The following TTC28 variants were observed in gnomAD, a reference collection of about 807,000 sequenced individuals.
TTC28 encodes tetratricopeptide repeat domain 28, also known as tetratricopeptide repeat protein 28.
Under a neutral mutation model 198.0 loss-of-function variants are expected in TTC28, and 61 were observed. The ratio of observed to expected loss-of-function variants is 0.31; its 90% CI spans 0.25 to 0.38. The LOEUF (loss-of-function observed/expected upper bound fraction) is 0.38, where lower values mean the gene tolerates loss of function less well. Ranked by LOEUF, TTC28 falls within the 10% of genes least tolerant of loss-of-function variation. The probability of loss-of-function intolerance (pLI) is 1.00; values close to 1 mark genes in which losing one functional copy is unlikely to be tolerated. For synonymous variants in TTC28, 1,171 were observed against 1,297.8 expected, an observed-to-expected ratio of 0.90 and a Z score of 2.10; for missense variants, 2,678 against 3,164.0, an observed-to-expected ratio of 0.85 and a Z score of 3.69.
chr22:28,596,180 AG>A lies in TTC28; in HGVS notation c.381+33371del, dbSNP rs1165128003. On this transcript the variant is annotated intron_variant, in intron 2 of 22. Transcript: ENST00000397906. ...ATCTCTGAATTGTAAGAAAACAACC[AG>A]TCATAATCACATGGAAAAAAGACAA... is the stretch of plus-strand genomic sequence containing the variant. Among the ~76,000 whole-genome samples, 16 of 152,368 alleles carry A rather than the reference AG, an allele frequency of 1.1e-4. No individual in the cohort carries two copies. The East Asian group carries it at 2.7e-3, about 26-fold the overall frequency.
intron 6 of TTC28, among the ~76,000 whole-genome samples, chr22:28,117,227 C>T (rs1228018433): frequency 6.6e-6 from 1 of 152,172 alleles, no homozygotes; most frequent in African/African-American, 2.4e-5. Flanking sequence ...TATAGGAAGA[C>T]GGAGCTAAGG....
At chr22:28,573,793 T>C (rs1015672241) in intron 2 of TTC28, among the ~76,000 whole-genome samples, 1 of 152,166 alleles carries the variant, frequency 6.6e-6, no homozygotes, top group Non-Finnish European at 1.5e-5. Flanking sequence ...TAGATCTTAC[T>C]CATTTTATTT....
At chr22:28,233,748 C>G (rs1163587368) in intron 5 of TTC28, among the ~76,000 whole-genome samples, 1 of 151,922 alleles carries the variant, frequency 6.6e-6, no homozygotes, top group Non-Finnish European at 1.5e-5. Context: ...GAAAAAGGAC[C>G]TTTTTTGTTT....
At chr22:28,147,364 A>T (rs1200127521) in intron 6 of TTC28, among the ~76,000 whole-genome samples, 1 of 152,194 alleles carries the variant, frequency 6.6e-6, no homozygotes, top group Non-Finnish European at 1.5e-5. Context: ...TCCACCTTGC[A>T]TTAGGTCTGT....
rs538997271 is a variant in TTC28 at position 28,531,213 on chromosome 22, G to C, written c.381+98339C>G. 3.9e-5 allele frequency among the ~76,000 whole-genome samples: 6 copies of C among 152,270 alleles called. No individual in the cohort carries two copies. The South Asian group carries it at 1.0e-3, about 26-fold the overall frequency. ...GGCTCAAAATAAAGGAATGGAGGAA[G>C]ATCTACCAAGCAAATGGAAAACAAC... On this transcript the variant is annotated intron_variant, in intron 2 of 22. Transcript: ENST00000397906.
chr22:28,308,905 A>T (rs1049869186), intron 2 of TTC28, among the ~76,000 whole-genome samples: 1 of 152,222 alleles, frequency 6.6e-6, no homozygotes, highest in African/African-American at 2.4e-5. Flanking sequence ...TAAAGATAGC[A>T]TAATGAGTAC....
At chr22:28,194,546 AAAG>A (rs1925202820) in intron 5 of TTC28, among the ~76,000 whole-genome samples, 2 of 152,318 alleles carry the variant, frequency 1.3e-5, no homozygotes, top group African/African-American at 2.4e-5. Context: ...CAAGACTAAT[AAAG>A]AAGAAAAGAG....
chr22:28,022,470 T>C (rs568416587), intron 13 of TTC28, among the ~76,000 whole-genome samples: 8 of 152,356 alleles, frequency 5.3e-5, no homozygotes, highest in African/African-American at 1.9e-4. Flanking sequence ...CAGGCTGCCC[T>C]GGGGGGAATC....
intron 2 of TTC28, among the ~76,000 whole-genome samples, chr22:28,573,452 C>CA (rs955617002): frequency 1.3e-5 from 2 of 148,376 alleles, no homozygotes; most frequent in East Asian, 3.9e-4. Context: ...GATTCTGTCT[C>CA]AAAAAAATAA....
At chr22:28,288,273 T>A (rs2044722470) in intron 5 of TTC28, among the ~76,000 whole-genome samples, 2 of 152,196 alleles carry the variant, frequency 1.3e-5, no homozygotes, top group South Asian at 4.1e-4. Context: ...CCTTTTTCTT[T>A]TTACTTTATA....
chr22:28,659,461 G>T (rs1421343734), intron 1 of TTC28, among the ~76,000 whole-genome samples: 1 of 152,074 alleles, frequency 6.6e-6, no homozygotes, highest in African/African-American at 2.4e-5. Context: ...TGGAGATGGG[G>T]TTTTACCAGT....
intron 2 of TTC28, among the ~76,000 whole-genome samples, chr22:28,506,509 T>G (rs1051139509): frequency 1.3e-5 from 2 of 152,130 alleles, no homozygotes. Context: ...ACGAACATTC[T>G]GGACAAGGAA....
chr22:28,156,776 G>T (rs573861884), intron 6 of TTC28, among the ~76,000 whole-genome samples: 119 of 152,258 alleles, frequency 7.8e-4, no homozygotes, highest in African/African-American at 2.8e-3. Flanking sequence ...GTTGTCAAAG[G>T]TTGGGGGTAC....
chr22:28,431,948 A>T (rs1237431045), intron 2 of TTC28, among the ~76,000 whole-genome samples: 2 of 151,744 alleles, frequency 1.3e-5, no homozygotes, highest in East Asian at 3.9e-4. Context: ...ACTGCACTCC[A>T]GCTTAGGCAA....
At chr22:28,573,992 A>C (rs946499625) in intron 2 of TTC28, among the ~76,000 whole-genome samples, 4 of 152,130 alleles carry the variant, frequency 2.6e-5, no homozygotes, top group African/African-American at 9.7e-5. Flanking sequence ...CATAAGCTCC[A>C]GTCCTATTCA....
At chr22:28,278,856 T>C (rs563133521) in intron 5 of TTC28, among the ~76,000 whole-genome samples, 35 of 152,356 alleles carry the variant, frequency 2.3e-4, no homozygotes, top group African/African-American at 7.9e-4. Flanking sequence ...CAGCCATATA[T>C]GAACATGTTG....
At chr22:28,199,116 C>T (rs1925651514) in intron 5 of TTC28, among the ~76,000 whole-genome samples, 4 of 151,600 alleles carry the variant, frequency 2.6e-5, no homozygotes, top group African/African-American at 9.7e-5. Flanking sequence ...ATCTTGTAAC[C>T]CAGTATTTCT....
chr22:28,014,777 C>G (rs1191152116), intron 13 of TTC28, among the ~76,000 whole-genome samples: 3 of 152,186 alleles, frequency 2.0e-5, no homozygotes, highest in Non-Finnish European at 4.4e-5. Flanking sequence ...GCCCCAATGC[C>G]AATTAAGGTA....
chr22:28,011,035 G>A (rs1490878324), intron 14 of TTC28, among the ~76,000 whole-genome samples: 4 of 152,160 alleles, frequency 2.6e-5, no homozygotes, highest in Non-Finnish European at 5.9e-5. Flanking sequence ...ATCAGGCACA[G>A]CTGCCTCTCT....
Sources: gnomAD v4.1 joint callset for allele counts (sites outside exome capture counted in the v4.1 genomes callset) on GRCh38, gnomAD v4.1.1 for gene constraint, MANE v1.5 for transcripts, NCBI Gene and HGNC (gene_info 2026-07-23, HGNC 2026-07-21) for gene names.